MECOM: variants seen among roughly 807,000 people sequenced by gnomAD.
MECOM encodes histone-lysine N-methyltransferase MECOM.
Under a neutral mutation model 116.3 loss-of-function variants are expected in MECOM, and 13 were observed. The observed-to-expected ratio is 0.11, with a 90% confidence interval of 0.07 to 0.18. The LOEUF (loss-of-function observed/expected upper bound fraction) is 0.18, where lower values mean the gene tolerates loss of function less well. MECOM is among the 10% of genes least tolerant of loss of function. The pLI, the probability that MECOM is intolerant of heterozygous loss-of-function variation, is 1.00. For missense variants in MECOM, 1,299 were observed against 1,509.0 expected (o/e 0.86, Z 2.31); for synonymous variants, 528 against 535.2 (o/e 0.99, Z 0.19).
intron 2 of MECOM, among the ~76,000 whole-genome samples, chr3:169,205,364 G>A (rs1156339545): frequency 6.6e-6 from 1 of 152,112 alleles, no homozygotes; most frequent in African/African-American, 2.4e-5. Context: ...ATAGGTTTTT[G>A]AAATGTGTTC....
intron 1 of MECOM, among the ~76,000 whole-genome samples, chr3:169,454,578 A>G (rs1746172188): frequency 6.6e-6 from 1 of 152,084 alleles, no homozygotes; most frequent in South Asian, 2.1e-4. Context: ...GAAGATACCT[A>G]CCTTTAGAAT....
chr3:169,310,473 T>C (rs1284968142), intron 2 of MECOM, among the ~76,000 whole-genome samples: 2 of 152,216 alleles, frequency 1.3e-5, no homozygotes, highest in African/African-American at 2.4e-5. Flanking sequence ...CAAATTATCA[T>C]AGGCATTTTG....
At chr3:169,337,507 A>T (rs1318096622) in intron 2 of MECOM, among the ~76,000 whole-genome samples, 1 of 152,178 alleles carries the variant, frequency 6.6e-6, no homozygotes, top group Non-Finnish European at 1.5e-5. Context: ...TAATAAGAAA[A>T]AAAAATAACT....
intron 5 of MECOM, among the ~76,000 whole-genome samples, chr3:169,123,296 T>C (rs571748826): frequency 9.3e-5 from 13 of 140,048 alleles, no homozygotes; most frequent in Admixed American, 6.3e-4. Context: ...CATGGATATA[T>C]GCATGGATGT....
rs561372342 is a variant in MECOM at position 169,608,007 on chromosome 3, G to A, written c.37+55329C>T. On this transcript the variant is annotated intron_variant, in intron 1 of 16. Transcript: ENST00000651503. ...CCCCTTGTCATGTATCCCTACCACT[G>A]CCAACTCATGCACGGAGACCTTCAC... Among the ~76,000 whole-genome samples, 5 of 152,236 alleles carry A rather than the reference G, an allele frequency of 3.3e-5. No individual in the cohort carries two copies. In the East Asian group the frequency reaches 9.7e-4, roughly 29 times the overall value.
At chr3:169,658,197 G>A (rs1213879561) in intron 1 of MECOM, among the ~76,000 whole-genome samples, 4 of 152,172 alleles carry the variant, frequency 2.6e-5, no homozygotes, top group Non-Finnish European at 5.9e-5. Context: ...AAGAAAAGCA[G>A]ACCCCACAGA....
At chr3:169,299,618 C>T (rs1716323220) in intron 2 of MECOM, among the ~76,000 whole-genome samples, 2 of 152,180 alleles carry the variant, frequency 1.3e-5, no homozygotes, top group Non-Finnish European at 2.9e-5. Flanking sequence ...ATCTGATCTA[C>T]AGAGCTCTTT....
At chr3:169,429,571 A>T (rs1439618150) in intron 1 of MECOM, among the ~76,000 whole-genome samples, 2 of 152,164 alleles carry the variant, frequency 1.3e-5, no homozygotes, top group East Asian at 3.8e-4. Context: ...ACCAGATGAG[A>T]TGTAAAGTTT....
intron 2 of MECOM, among the ~76,000 whole-genome samples, chr3:169,208,978 G>A (rs1027272355): frequency 1.3e-4 from 19 of 151,052 alleles, no homozygotes; most frequent in African/African-American, 4.6e-4. Flanking sequence ...AAACAGCATG[G>A]TACTGCTACC....
intron 1 of MECOM, among the ~76,000 whole-genome samples, chr3:169,578,674 ATG>A (rs1326347820): frequency 1.3e-5 from 2 of 151,854 alleles, no homozygotes; most frequent in African/African-American, 4.8e-5. Flanking sequence ...TAGTAATTGC[ATG>A]TGTGTGTGTG....
intron 2 of MECOM, among the ~76,000 whole-genome samples, chr3:169,366,903 T>C (rs1414373577): frequency 1.3e-5 from 2 of 151,952 alleles, no homozygotes; most frequent in Admixed American, 6.6e-5. Context: ...CCATAGAAAG[T>C]ACATACACAC....
At chr3:169,645,044 ACCT>A (rs1425696559) in intron 1 of MECOM, among the ~76,000 whole-genome samples, 1 of 151,980 alleles carries the variant, frequency 6.6e-6, no homozygotes, top group Non-Finnish European at 1.5e-5. Flanking sequence ...TCTCAACTAA[ACCT>A]CCGGAACCAT....
intron 1 of MECOM, among the ~76,000 whole-genome samples, chr3:169,445,727 C>A (rs903422834): frequency 6.6e-6 from 1 of 152,120 alleles, no homozygotes; most frequent in African/African-American, 2.4e-5. Flanking sequence ...AAGCTGCAGA[C>A]AATCAGTGCC....
rs778191764 is a variant in MECOM at position 169,127,982 on chromosome 3, G to A, written c.692C>T (p.Pro231Leu). ...KAELADHQKF[P>L]CSTPHSAFSM... ...AAATGCTGAGTGAGGAGTACTGCATGGAAACTTTTGGTGATCTGCTAGTTC... is the reference window on the plus strand; with the variant it reads ...AAATGCTGAGTGAGGAGTACTGCATAGAAACTTTTGGTGATCTGCTAGTTC... The change falls in exon 5 of 17, where the codon CCA (proline) becomes CTA (leucine). Residue 231 changes from proline to leucine, a missense_variant. This residue lies in a region of MECOM where 374 missense variants were observed against 433.4 expected (regional missense o/e 0.86). Coordinates refer to ENST00000651503, the MANE Select transcript of MECOM (RefSeq NM_004991.4). 9.3e-6 allele frequency: 15 copies of A among 1,613,920 alleles called. No individual in the cohort carries two copies. The highest frequency in any genetic ancestry group is 5.0e-5 in the Admixed American group (3 of 59,984).
chr3:169,491,794 G>A (rs59687353), intron 1 of MECOM, among the ~76,000 whole-genome samples: 5,611 of 152,164 alleles, frequency 0.037, 319 homozygotes, highest in East Asian at 0.24. Flanking sequence ...TTCTAGTTTC[G>A]TGTTTCAATC....
intron 1 of MECOM, among the ~76,000 whole-genome samples, chr3:169,436,834 T>G (rs1291245558): frequency 6.6e-6 from 1 of 152,154 alleles, no homozygotes; most frequent in Non-Finnish European, 1.5e-5. Context: ...TTTTTTATTC[T>G]CAATAAGTTT....
At chr3:169,469,477 A>T (rs1038176814) in intron 1 of MECOM, among the ~76,000 whole-genome samples, 21 of 152,190 alleles carry the variant, frequency 1.4e-4, no homozygotes, top group Admixed American at 8.5e-4. Flanking sequence ...CAAAACTACT[A>T]CCTATCACCC....
chr3:169,594,176 A>AAAAAAAAAAAAAC (rs1553894631), intron 1 of MECOM, among the ~76,000 whole-genome samples: 17 of 139,796 alleles, frequency 1.2e-4, no homozygotes, highest in South Asian at 2.2e-4. Flanking sequence ...AAAAAAAAAA[A>AAAAAAAAAAAAAC]CACCTTTTCA....
chr3:169,646,372 T>G (rs989247715), intron 1 of MECOM, among the ~76,000 whole-genome samples: 5 of 149,638 alleles, frequency 3.3e-5, no homozygotes, highest in African/African-American at 1.2e-4. Flanking sequence ...AAATGACGAG[T>G]TAAAGGGTGC....
Sources: gnomAD v4.1 joint callset for allele counts (sites outside exome capture counted in the v4.1 genomes callset) on GRCh38, gnomAD v4.1.1 for gene constraint, gnomAD v4.1.1 regional missense constraint, MANE v1.5 for transcripts, NCBI Gene and HGNC (gene_info 2026-07-23, HGNC 2026-07-21) for gene names.